The following SH3RF3 variants were observed in gnomAD, a reference collection of about 807,000 sequenced individuals.
SH3RF3 encodes SH3 domain containing ring finger 3.
Under a neutral mutation model 66.3 loss-of-function variants are expected in SH3RF3, and 29 were observed. That is an observed-to-expected ratio of 0.44 (90% CI 0.33 to 0.60). The LOEUF is 0.60. SH3RF3 is among the 20% of genes least tolerant of loss of function. The probability of loss-of-function intolerance (pLI) is 0.04; values close to 1 mark genes in which losing one functional copy is unlikely to be tolerated. For synonymous variants in SH3RF3, 583 were observed against 532.0 expected, an observed-to-expected ratio of 1.10 and a Z score of -1.32; for missense variants, 1,194 against 1,190.9, an observed-to-expected ratio of 1.00 and a Z score of -0.04.
chr2:109,162,280 A>G (rs1295444573), intron 1 of SH3RF3, among the ~76,000 whole-genome samples: 1 of 152,222 alleles, frequency 6.6e-6, no homozygotes, highest in Non-Finnish European at 1.5e-5. Context: ...AGCTGTTAAA[A>G]TTCCTAAAAG....
At chr2:109,287,212 C>T (rs895802138) in intron 1 of SH3RF3, among the ~76,000 whole-genome samples, 5 of 152,078 alleles carry the variant, frequency 3.3e-5, no homozygotes, top group Non-Finnish European at 7.4e-5. Context: ...TTAAATTTTT[C>T]CAAGGGACTT....
intron 9 of SH3RF3, among the ~76,000 whole-genome samples, chr2:109,500,267 C>A (rs1489186254): frequency 1.3e-5 from 2 of 152,152 alleles, no homozygotes; most frequent in Non-Finnish European, 2.9e-5. Flanking sequence ...CTCAGAGGAG[C>A]CAGGCTGGAG....
intron 8 of SH3RF3, among the ~76,000 whole-genome samples, chr2:109,471,206 C>CAAAAAAAAAAA (rs61224177): frequency 5.0e-5 from 2 of 40,144 alleles, no homozygotes; most frequent in Non-Finnish European, 6.5e-5. Flanking sequence ...GACTCTGTCT[C>CAAAAAAAAAAA]AAAAAAAAAA....
intron 1 of SH3RF3, among the ~76,000 whole-genome samples, chr2:109,261,223 G>T (rs765267899): frequency 6.6e-6 from 1 of 152,042 alleles, no homozygotes; most frequent in Admixed American, 6.6e-5. Flanking sequence ...GGTGTAAAGC[G>T]AGGGCCCTGG....
intron 1 of SH3RF3, among the ~76,000 whole-genome samples, chr2:109,248,312 TC>T (rs1679969779): frequency 6.6e-6 from 1 of 152,204 alleles, no homozygotes; most frequent in Admixed American, 6.5e-5. Context: ...TTAAAAATCT[TC>T]CCCACCCTTG....
At chr2:109,348,591 C>T (rs558695822) in intron 2 of SH3RF3, among the ~76,000 whole-genome samples, 2 of 152,298 alleles carry the variant, frequency 1.3e-5, no homozygotes, top group African/African-American at 4.8e-5. Context: ...ATCATCTGCA[C>T]CAAGTGCTCG....
At chr2:109,370,118 C>T (rs543036601) in intron 2 of SH3RF3, among the ~76,000 whole-genome samples, 29 of 152,306 alleles carry the variant, frequency 1.9e-4, no homozygotes, top group East Asian at 7.7e-4. Context: ...GGGATGGTTC[C>T]GGAGAAGGGA....
intron 2 of SH3RF3, among the ~76,000 whole-genome samples, chr2:109,365,004 T>C (rs551392925): frequency 6.6e-6 from 1 of 152,146 alleles, no homozygotes; most frequent in Admixed American, 6.5e-5. Flanking sequence ...GGCAGAAGGA[T>C]CGTGAGACTC....
At chr2:109,417,581 C>G (rs1676759649) in intron 4 of SH3RF3, among the ~76,000 whole-genome samples, 1 of 152,206 alleles carries the variant, frequency 6.6e-6, no homozygotes, top group Non-Finnish European at 1.5e-5. Flanking sequence ...CTCTGGACAC[C>G]TGGCTCTCTC....
In SH3RF3 at chr2:109,392,511, T is replaced by G. The variant is rs117621081; in HGVS notation, c.946-6079T>G. 1.9e-3 allele frequency among the ~76,000 whole-genome samples: 285 copies of G among 152,004 alleles called. 2 individuals carry two copies. Among genetic ancestry groups the G allele is most frequent in the East Asian group, 0.012 (63 of 5,156 alleles). The stretch of plus-strand genomic sequence containing the variant: ...AGGGGTGGTCACCAGGCCCCTTGCT[T>G]CTTCTTTTTTTTTTTGGAGACGGAG... On this transcript the variant is annotated intron_variant, in intron 3 of 9. Coordinates refer to ENST00000309415, the MANE Select transcript of SH3RF3 (RefSeq NM_001099289.3).
At position 109,437,161 on chromosome 2, in the gene SH3RF3, G is replaced by C; in HGVS notation, c.1828+15G>C. On this transcript the variant is annotated intron_variant, in intron 7 of 9. Coordinates refer to ENST00000309415, the MANE Select transcript of SH3RF3 (RefSeq NM_001099289.3). ...CATTTCAACAGGTACCTTCACAGGG[G>C]CCTCACCCTGCAGGGCATCAACAAG... 6.3e-7 allele frequency: 1 copy of C among 1,598,854 alleles called. No homozygotes were observed. Among genetic ancestry groups the C allele is most frequent in the Non-Finnish European group, 8.5e-7 (1 of 1,170,092 alleles).
At chr2:109,427,701 A>G (rs1216872803) in intron 5 of SH3RF3, among the ~76,000 whole-genome samples, 1 of 152,200 alleles carries the variant, frequency 6.6e-6, no homozygotes, top group African/African-American at 2.4e-5. Flanking sequence ...TCCTTCCATG[A>G]ACTCTGTGAC....
chr2:109,392,346 C>A (rs1211860135), intron 3 of SH3RF3, among the ~76,000 whole-genome samples: 1 of 152,168 alleles, frequency 6.6e-6, no homozygotes, highest in African/African-American at 2.4e-5. Context: ...TGCTTGTTCA[C>A]TGTGTAACTT....
intron 4 of SH3RF3, among the ~76,000 whole-genome samples, chr2:109,412,863 T>C (rs1676631420): frequency 6.6e-6 from 1 of 152,230 alleles, no homozygotes; most frequent in African/African-American, 2.4e-5. Flanking sequence ...AATACACGTA[T>C]CACTGTCAGA....
At chr2:109,495,100 C>G (rs1250273660) in intron 9 of SH3RF3, among the ~76,000 whole-genome samples, 1 of 152,326 alleles carries the variant, frequency 6.6e-6, no homozygotes, top group African/African-American at 2.4e-5. Context: ...GGCCATGCCC[C>G]GTTCCTTCCA....
Position 109,467,471 on chromosome 2 carries a change from G to A in SH3RF3, c.2148+17982G>A, listed in dbSNP as rs182393530. Among the ~76,000 whole-genome samples, 4 of 152,326 alleles carry A rather than the reference G, an allele frequency of 2.6e-5. No homozygotes were observed. The East Asian group carries it at 5.8e-4, about 22-fold the overall frequency. ...GAAAGCAGCTCGGGGGTTTCCTGGG[G>A]ACTGGAAGAAGCCCTGGAAGGACAG... is the stretch of plus-strand genomic sequence containing the variant. On this transcript the variant is annotated intron_variant, in intron 8 of 9. Transcript: ENST00000309415.
intron 1 of SH3RF3, among the ~76,000 whole-genome samples, chr2:109,224,838 CAG>C (rs1185040823): frequency 6.6e-6 from 1 of 152,104 alleles, no homozygotes; most frequent in Non-Finnish European, 1.5e-5. Flanking sequence ...GCCTGGGTGA[CAG>C]AGCAAGACTC....
At chr2:109,169,221 G>C (rs1347811903) in intron 1 of SH3RF3, among the ~76,000 whole-genome samples, 1 of 152,244 alleles carries the variant, frequency 6.6e-6, no homozygotes, top group East Asian at 1.9e-4. Context: ...GGGACAAACA[G>C]TGCTGGTTTG....
At chr2:109,404,079 G>T (rs369585336) in intron 4 of SH3RF3, among the ~76,000 whole-genome samples, 30 of 152,318 alleles carry the variant, frequency 2.0e-4, no homozygotes, top group African/African-American at 7.2e-4. Flanking sequence ...CCCATCTCTG[G>T]CTTGGTGCTG....
Sources: allele counts gnomAD v4.1 joint callset (sites outside exome capture counted in the v4.1 genomes callset), GRCh38; gene constraint gnomAD v4.1.1; transcripts MANE v1.5; gene names NCBI Gene and HGNC (gene_info 2026-07-23, HGNC 2026-07-21).